The following LTA4H variants were observed in gnomAD, a reference collection of about 807,000 sequenced individuals.
The protein encoded by LTA4H is leukotriene A4 hydrolase.
A neutral mutation model predicts 89.8 loss-of-function variants in LTA4H; 59 were observed. That is an observed-to-expected ratio of 0.66 (90% CI 0.53 to 0.82). LTA4H has a LOEUF of 0.82. LTA4H is among the 40% of genes least tolerant of loss of function. The pLI is 0.00. For missense variants in LTA4H, 617 were observed against 727.0 expected (o/e 0.85, Z 1.74); for synonymous variants, 227 against 253.1 (o/e 0.90, Z 0.98).
chr12:96,013,709 T>C, intron 13 of LTA4H, 41 bp downstream of exon 13: 2 of 994,770 alleles, frequency 2.0e-6, no homozygotes, highest in Non-Finnish European at 3.1e-6. Flanking sequence ...TAAATAGAGA[T>C]ATATCGAGCA....
rs1950150701 is a variant in LTA4H at position 96,003,914 on chromosome 12, G to A, written c.1537C>T (p.Leu513Phe). 3 of 1,603,678 alleles carry A rather than the reference G, an allele frequency of 1.9e-6. No homozygotes were observed. The highest frequency in any genetic ancestry group is 2.6e-6 in the Non-Finnish European group (3 of 1,173,756). ...ATTCGCTTTATGTGCCCCAATGGAAGAGGTGCCTAAGAGCAAAATAAAGAA... is the reference window on the plus strand; with the variant it reads ...ATTCGCTTTATGTGCCCCAATGGAAAAGGTGCCTAAGAGCAAAATAAAGAA... ...FLAQTLQRAPLPLGHIKRMQE... is the reference protein window; with the variant it reads ...FLAQTLQRAPFPLGHIKRMQE... The change falls in exon 17 of 19, where the codon CTT (leucine) becomes TTT (phenylalanine). Residue 513 changes from leucine to phenylalanine, a missense_variant. By Grantham distance (22) the Leu-to-Phe change is conservative. Transcript: ENST00000228740.
intron 12 of LTA4H, 73 bp from the exon 13 acceptor site, chr12:96,013,926 T>G (rs1254763933): frequency 1.4e-6 from 1 of 709,570 alleles, no homozygotes; most frequent in Non-Finnish European, 2.5e-6. Flanking sequence ...GTGTTTGGCA[T>G]TGTACTATTA....
chr12:96,019,902 T>A (rs76869059), intron 6 of LTA4H, among the ~76,000 whole-genome samples: 1 of 148,664 alleles, frequency 6.7e-6, no homozygotes, highest in Non-Finnish European at 1.5e-5. Context: ...GCCCAGCGTT[T>A]TTTTTTTTTT....
chr12:96,035,239 G>C, intron 1 of LTA4H, 122 bp downstream of exon 1: 2 of 977,202 alleles, frequency 2.0e-6, no homozygotes, highest in Non-Finnish European at 1.5e-6. Flanking sequence ...AGAGCAGACG[G>C]GGACGTGGGG....
At chr12:96,026,503 A>AT (rs1950514680) in intron 3 of LTA4H, among the ~76,000 whole-genome samples, 1 of 152,230 alleles carries the variant, frequency 6.6e-6, no homozygotes, top group African/African-American at 2.4e-5. Context: ...TGAAAATCAG[A>AT]TATTTATGAG....
At position 96,024,657 on chromosome 12, in the gene LTA4H, T is replaced by G. The variant is rs1448940251; in HGVS notation, c.412-110A>C. ...TTAGACATTAAAATAAAAACAGTCC[T>G]CATTTCTTGGGATTTTTTTTTTTTT... On this transcript the variant is annotated intron_variant, in intron 3 of 18. Transcript: ENST00000228740. The G allele has an allele frequency of 6.5e-6, 4 of 610,814 alleles. No individual in the cohort carries two copies. The East Asian group carries it at 9.2e-5, about 14-fold the overall frequency. The allele number at this position is 610,814 out of a possible 1,614,324, so 37.8% of individuals were successfully genotyped here.
At chr12:96,024,207 C>T (rs1317132700) in intron 4 of LTA4H, among the ~76,000 whole-genome samples, 1 of 152,164 alleles carries the variant, frequency 6.6e-6, no homozygotes, top group African/African-American at 2.4e-5. Context: ...GCTGGGATTA[C>T]AGGTGTGAGC....
intron 16 of LTA4H, among the ~76,000 whole-genome samples, chr12:96,005,748 T>G (rs1950187760): frequency 6.7e-6 from 1 of 149,358 alleles, no homozygotes; most frequent in South Asian, 2.2e-4. Flanking sequence ...TGCTAATGTT[T>G]TTAAAAAAAT....
At chr12:96,006,793 A>G (rs1950210622) in intron 15 of LTA4H, among the ~76,000 whole-genome samples, 1 of 152,196 alleles carries the variant, frequency 6.6e-6, no homozygotes, top group Non-Finnish European at 1.5e-5. Context: ...TTTAAATATT[A>G]CATTAATAAA....
intron 1 of LTA4H, among the ~76,000 whole-genome samples, chr12:96,030,812 A>C (rs1034959427): frequency 2.0e-5 from 3 of 152,136 alleles, no homozygotes; most frequent in African/African-American, 7.2e-5. Flanking sequence ...CTCATTTGTT[A>C]TCCTTACTCT....
intron 1 of LTA4H, among the ~76,000 whole-genome samples, chr12:96,030,473 T>G (rs1026203587): frequency 2.0e-5 from 3 of 152,168 alleles, no homozygotes; most frequent in Non-Finnish European, 2.9e-5. Flanking sequence ...CTTCTAAAAA[T>G]TCCAAAAATG....
chr12:96,043,431 C>G, exon 1 of LTA4H: 1 of 1,072,146 alleles, frequency 9.3e-7, no homozygotes, highest in Non-Finnish European at 1.4e-6. Flanking sequence ...CTCCCAAGCC[C>G]ATGCATCCTC....
At chr12:96,026,163 G>A (rs763875) in intron 3 of LTA4H, among the ~76,000 whole-genome samples, 19,487 of 152,108 alleles carry the variant, frequency 0.13, 1,560 homozygotes, top group East Asian at 0.3. Context: ...AGATTTCCAA[G>A]ACCATGCCTC....
At chr12:96,015,759 A>T in intron 10 of LTA4H, 65 bp from the exon 11 acceptor site, 1 of 1,121,202 alleles carries the variant, frequency 8.9e-7, no homozygotes, top group Non-Finnish European at 1.3e-6. Context: ...TTCAATCAAG[A>T]TATTTTCTTT....
At chr12:96,019,586 T>C (rs1473187865) in intron 6 of LTA4H, among the ~76,000 whole-genome samples, 9 of 84,224 alleles carry the variant, frequency 1.1e-4, no homozygotes, top group Non-Finnish European at 2.0e-4. Flanking sequence ...TAAGAAACTA[T>C]TTTTTTTTTT....
At chr12:96,010,408 A>G (rs1950281346) in intron 14 of LTA4H, 1 of 152,224 alleles carries the variant, frequency 6.6e-6, no homozygotes, top group African/African-American at 2.4e-5. Context: ...AAGAGAGGAT[A>G]TAGCACTAAA....
rs531951110 is a variant in LTA4H, at chr12:96,022,431, G to A, written c.481-180C>T. Among the ~76,000 whole-genome samples, 20 of 151,660 alleles carry A rather than the reference G, an allele frequency of 1.3e-4. No homozygotes were observed. The highest frequency in any genetic ancestry group is 3.4e-3 in the Middle Eastern group (1 of 294). On this transcript the variant is annotated intron_variant, in intron 4 of 18. Transcript: ENST00000228740. The surrounding 1 kb of genome is among the most constrained non-coding windows in gnomAD (Gnocchi z 4.0). ...ACACACACATATATATGAACACAAC[G>A]TGTATAGATGTGTATATATATGCAC... is the stretch of plus-strand genomic sequence containing the variant.
At chr12:96,016,914 T>C in intron 10 of LTA4H, 130 bp downstream of exon 10, 1 of 649,726 alleles carries the variant, frequency 1.5e-6, no homozygotes, top group South Asian at 1.8e-5. Flanking sequence ...AAAAAAAAAA[T>C]CCTTGCCTAC....
intron 4 of LTA4H, among the ~76,000 whole-genome samples, chr12:96,023,924 T>G (rs1056295926): frequency 6.6e-6 from 1 of 152,042 alleles, no homozygotes; most frequent in Non-Finnish European, 1.5e-5. Context: ...TTGTTTGTTT[T>G]TTTGTTTTTT....
Sources: allele counts gnomAD v4.1 joint callset (sites outside exome capture counted in the v4.1 genomes callset), GRCh38; gene constraint gnomAD v4.1.1; non-coding constraint Gnocchi (gnomAD v3.1); transcripts MANE v1.5; gene names NCBI Gene and HGNC (gene_info 2026-07-23, HGNC 2026-07-21).